The following MRPL48 variants were observed in gnomAD, a reference collection of about 807,000 sequenced individuals.
The protein encoded by MRPL48 is large ribosomal subunit protein mL48.
A neutral mutation model predicts 32.9 loss-of-function variants in MRPL48; 16 were observed. The ratio of observed to expected loss-of-function variants is 0.49; its 90% CI spans 0.33 to 0.74. The LOEUF (loss-of-function observed/expected upper bound fraction) is 0.74, where lower values mean the gene tolerates loss of function less well. MRPL48 is among the 30% of genes least tolerant of loss of function. The pLI is 0.02. For synonymous variants in MRPL48, 94 were observed against 89.2 expected (o/e 1.05, Z -0.31); for missense variants, 206 against 245.3 (o/e 0.84, Z 1.07).
chr11:73,829,840 C>G (rs1947961280), intron 4 of MRPL48, among the ~76,000 whole-genome samples: 1 of 152,246 alleles, frequency 6.6e-6, no homozygotes, highest in African/African-American at 2.4e-5. Context: ...TCTCAGCTCA[C>G]TGCAACCTCT....
chr11:73,841,940 G>T (rs574102512), intron 4 of MRPL48, among the ~76,000 whole-genome samples: 17 of 133,684 alleles, frequency 1.3e-4, no homozygotes, highest in Non-Finnish European at 3.3e-5. Context: ...CTAGTTTTTG[G>T]GGGGGGGTTT....
At chr11:73,828,961 G>A (rs1565098762) in intron 4 of MRPL48, among the ~76,000 whole-genome samples, 1 of 152,134 alleles carries the variant, frequency 6.6e-6, no homozygotes, top group Non-Finnish European at 1.5e-5. Context: ...AATTAGTTTT[G>A]TTTGAGGGGG....
chr11:73,861,974 A>G (rs951333442), intron 6 of MRPL48, among the ~76,000 whole-genome samples: 2 of 152,096 alleles, frequency 1.3e-5, no homozygotes, highest in African/African-American at 4.8e-5. Context: ...ATGCCTGGAT[A>G]TGGGCAAAGC....
At chr11:73,844,670 GT>G in intron 4 of MRPL48, 136 bp from the exon 5 acceptor site, 1 of 939,530 alleles carries the variant, frequency 1.1e-6, no homozygotes, top group Non-Finnish European at 1.5e-6. Flanking sequence ...GAGAACTTCA[GT>G]TTGTAGGTGG....
At chr11:73,794,813 C>T (rs1301722621) in intron 1 of MRPL48, among the ~76,000 whole-genome samples, 2 of 148,372 alleles carry the variant, frequency 1.3e-5, no homozygotes, top group Non-Finnish European at 3.0e-5. Flanking sequence ...GGCATGATCT[C>T]GGCTCACCAC....
chr11:73,837,024 C>T (rs963293540), intron 4 of MRPL48, among the ~76,000 whole-genome samples: 30 of 152,226 alleles, frequency 2.0e-4, no homozygotes, highest in African/African-American at 7.0e-4. Context: ...TCAATCGCTG[C>T]ATACCTCACA....
intron 4 of MRPL48, among the ~76,000 whole-genome samples, chr11:73,844,162 G>A (rs1245452658): frequency 6.6e-6 from 1 of 152,030 alleles, no homozygotes; most frequent in East Asian, 1.9e-4. Flanking sequence ...TAGGTGTGGT[G>A]CTCACACCTG....
At chr11:73,845,058 C>G (rs1393295768) in intron 5 of MRPL48, 82 bp downstream of exon 5, 1 of 1,349,320 alleles carries the variant, frequency 7.4e-7, no homozygotes, top group South Asian at 1.4e-5. Flanking sequence ...TTTTGAGATA[C>G]AGTTTACATG....
At chr11:73,855,252 A>G (rs1948465636) in intron 5 of MRPL48, among the ~76,000 whole-genome samples, 1 of 151,650 alleles carries the variant, frequency 6.6e-6, no homozygotes, top group Non-Finnish European at 1.5e-5. Context: ...AAATATGATT[A>G]TGTCACTCTT....
intron 3 of MRPL48, among the ~76,000 whole-genome samples, chr11:73,818,298 A>G (rs1015325140): frequency 6.6e-6 from 1 of 152,154 alleles, no homozygotes; most frequent in Non-Finnish European, 1.5e-5. Flanking sequence ...ATTGATTTAA[A>G]AATAATAGAC....
intron 3 of MRPL48, among the ~76,000 whole-genome samples, chr11:73,818,940 T>G (rs527976312): frequency 2.6e-5 from 4 of 152,296 alleles, no homozygotes; most frequent in African/African-American, 9.6e-5. Context: ...AAGCCTCCAT[T>G]TGAAACCCTG....
intron 4 of MRPL48, 104 bp downstream of exon 4, chr11:73,825,900 TAA>T (rs2135012283): frequency 1.0e-6 from 1 of 985,526 alleles, no homozygotes; most frequent in East Asian, 2.9e-5. Context: ...CTAGAAATGA[TAA>T]AGTTGCCTCT....
At chr11:73,835,839 A>C (rs1225082372) in intron 4 of MRPL48, among the ~76,000 whole-genome samples, 1 of 152,142 alleles carries the variant, frequency 6.6e-6, no homozygotes, top group Non-Finnish European at 1.5e-5. Flanking sequence ...TGAAGGTTGC[A>C]GTGAGTCGAG....
chr11:73,803,776 C>G (rs1947398185), intron 1 of MRPL48, among the ~76,000 whole-genome samples: 1 of 151,800 alleles, frequency 6.6e-6, no homozygotes, highest in Admixed American at 6.6e-5. Flanking sequence ...AACAAAAGAA[C>G]AGACGTTTGT....
At chr11:73,862,481 C>T (rs1187185399) in intron 6 of MRPL48, among the ~76,000 whole-genome samples, 1 of 152,100 alleles carries the variant, frequency 6.6e-6, no homozygotes, top group Non-Finnish European at 1.5e-5. Context: ...CACCTGTTAT[C>T]TCAGCTGCTT....
At chr11:73,848,741 T>G (rs959787139) in intron 5 of MRPL48, among the ~76,000 whole-genome samples, 8 of 152,146 alleles carry the variant, frequency 5.3e-5, no homozygotes, top group African/African-American at 1.9e-4. Flanking sequence ...ATCTCAGTAT[T>G]TCACACAGTA....
intron 5 of MRPL48, among the ~76,000 whole-genome samples, chr11:73,853,645 CTTTTT>C (rs36146874): frequency 2.1e-4 from 29 of 135,592 alleles, no homozygotes; most frequent in Admixed American, 2.0e-3. Flanking sequence ...TAATTAAGAA[CTTTTT>C]TTTCAGCTGG....
At chr11:73,799,005 A>AAAG (rs1947309680) in intron 1 of MRPL48, among the ~76,000 whole-genome samples, 1 of 151,502 alleles carries the variant, frequency 6.6e-6, no homozygotes, top group South Asian at 2.1e-4. Flanking sequence ...AAAAAAAAAA[A>AAAG]AAAGAAAGAA....
At chr11:73,848,593 C>A (rs1016750191) in intron 5 of MRPL48, among the ~76,000 whole-genome samples, 1 of 150,880 alleles carries the variant, frequency 6.6e-6, no homozygotes. Context: ...CACAATTTCT[C>A]TCTCCATTTA....
Sources: gnomAD v4.1 joint callset for allele counts (sites outside exome capture counted in the v4.1 genomes callset) on GRCh38, gnomAD v4.1.1 for gene constraint, MANE v1.5 for transcripts, NCBI Gene and HGNC (gene_info 2026-07-23, HGNC 2026-07-21) for gene names.